Variants in SNAP25 observed in about 807,000 individuals in gnomAD.
SNAP25 encodes the protein synaptosome associated protein 25.
Under a neutral mutation model 28.7 loss-of-function variants are expected in SNAP25, and 3 were observed. The observed-to-expected ratio is 0.10, with a 90% CI of 0.05 to 0.27. The LOEUF is 0.27. Among genes scored for constraint, SNAP25 ranks in the 10% least tolerant of loss-of-function variants. The pLI is 1.00. For synonymous variants in SNAP25, 61 were observed against 88.1 expected, an observed-to-expected ratio of 0.69 and a Z score of 1.72; for missense variants, 117 against 278.7, an observed-to-expected ratio of 0.42 and a Z score of 4.13.
At chr20:10,285,050 TTA>T (rs920330695) in intron 4 of SNAP25, among the ~76,000 whole-genome samples, 17 of 147,954 alleles carry the variant, frequency 1.1e-4, no homozygotes, top group African/African-American at 4.0e-4. Flanking sequence ...GCCATTTTTT[TTA>T]AATGATAGTA....
intron 1 of SNAP25, among the ~76,000 whole-genome samples, chr20:10,268,674 A>T (rs898331596): frequency 6.6e-6 from 1 of 152,188 alleles, no homozygotes; most frequent in Non-Finnish European, 1.5e-5. Context: ...GCACCTAACT[A>T]AGTAAGCCCC....
intron 1 of SNAP25, among the ~76,000 whole-genome samples, chr20:10,244,139 G>A (rs1414870335): frequency 2.6e-5 from 4 of 152,158 alleles, no homozygotes; most frequent in Non-Finnish European, 5.9e-5. Context: ...GTTAGATAAT[G>A]CCTATAAGGT....
At chr20:10,221,423 G>A (rs2062631979) in intron 1 of SNAP25, among the ~76,000 whole-genome samples, 1 of 151,798 alleles carries the variant, frequency 6.6e-6, no homozygotes, top group Non-Finnish European at 1.5e-5. Flanking sequence ...AGCTTCCAGG[G>A]AAAAAAAATC....
At chr20:10,258,959 G>T (rs887497875) in intron 1 of SNAP25, among the ~76,000 whole-genome samples, 11 of 152,170 alleles carry the variant, frequency 7.2e-5, no homozygotes, top group Non-Finnish European at 1.6e-4. Context: ...AAGAAACCCT[G>T]CAGTGAATTC....
chr20:10,288,122 C>T (rs2063921315), intron 4 of SNAP25, among the ~76,000 whole-genome samples: 1 of 151,858 alleles, frequency 6.6e-6, no homozygotes, highest in Admixed American at 6.6e-5. Context: ...AACTAACCTG[C>T]ACATTGTGCA....
chr20:10,266,498 ACATTAACC>A (rs1363834194), intron 1 of SNAP25, among the ~76,000 whole-genome samples: 1 of 152,234 alleles, frequency 6.6e-6, no homozygotes, highest in African/African-American at 2.4e-5. Context: ...AAATGAGAGC[ACATTAACC>A]CATGACTTAG....
At chr20:10,277,897 C>A in intron 3 of SNAP25, 171 bp downstream of exon 3, 1 of 598,048 alleles carries the variant, frequency 1.7e-6, no homozygotes. Flanking sequence ...TGCCAGATAG[C>A]CATGAAGACA....
chr20:10,235,400 G>A (rs6077697), intron 1 of SNAP25, among the ~76,000 whole-genome samples: 135,771 of 152,298 alleles, frequency 0.89, 60,586 homozygotes, highest in Middle Eastern at 0.95. Context: ...AAGTCTAATA[G>A]CTACCATAAT....
At chr20:10,267,633 A>G (rs1233554248) in intron 1 of SNAP25, among the ~76,000 whole-genome samples, 1 of 152,028 alleles carries the variant, frequency 6.6e-6, no homozygotes, top group South Asian at 2.1e-4. Flanking sequence ...GCTCACTACA[A>G]CCTCCGCCTC....
Position 10,284,784 on chromosome 20 carries a change from T to C in SNAP25, c.163+12T>C, listed in dbSNP as rs908718299. 2 of 1,605,440 alleles carry C rather than the reference T, an allele frequency of 1.2e-6. No homozygotes were observed. The highest frequency in any genetic ancestry group is 1.7e-6 in the Non-Finnish European group (2 of 1,172,468). The stretch of plus-strand genomic sequence containing the variant: ...GGATGAACAAGGAGGTAAGTTCAGA[T>C]TTCTTCAGTAAGAACAATTCCTCTT... On this transcript the variant is annotated intron_variant, in intron 4 of 7. Transcript: ENST00000254976.
At chr20:10,236,953 A>AAAAT (rs770867761) in intron 1 of SNAP25, among the ~76,000 whole-genome samples, 15,419 of 111,476 alleles carry the variant, frequency 0.14, 1,342 homozygotes, top group African/African-American at 0.29. Context: ...CCTCCAAAGG[A>AAAAT]AAATACATAA....
chr20:10,272,872 C>T (rs1568606804), intron 1 of SNAP25, among the ~76,000 whole-genome samples: 1 of 152,208 alleles, frequency 6.6e-6, no homozygotes, highest in Non-Finnish European at 1.5e-5. Context: ...GCCCGGCAAT[C>T]ACTGGGTAGA....
rs1374733425 is a variant in SNAP25, at chr20:10,266,175, G to A, written c.-63-9254G>A. Reference sequence around the variant, plus strand: ...ACCTGGGGCAAATTCTGATGATTCAGAAAATGGAAGGAATCACCTCTTCAC... The same window carrying A: ...ACCTGGGGCAAATTCTGATGATTCAAAAAATGGAAGGAATCACCTCTTCAC... On this transcript the variant is annotated intron_variant, in intron 1 of 7. Coordinates refer to ENST00000254976, the MANE Select transcript of SNAP25 (RefSeq NM_130811.4). 2.0e-5 allele frequency among the ~76,000 whole-genome samples: 3 copies of A among 152,182 alleles called. No homozygotes were observed. The East Asian group carries it at 5.8e-4, about 29-fold the overall frequency.
rs1383475175 is a variant in SNAP25, at chr20:10,275,482, CA to C, written c.-9del. ...CCAGCCCAGGCGCCCAGCCACTCCC[CA>C]CCGCTACCATGGCCGAAGACGCAGA... is the stretch of plus-strand genomic sequence containing the variant. On this transcript the variant is annotated 5_prime_UTR_variant, in exon 2 of 8. Coordinates refer to ENST00000254976, the MANE Select transcript of SNAP25 (RefSeq NM_130811.4). The C allele has an allele frequency of 6.3e-7, 1 of 1,599,532 alleles. No homozygotes were observed. The highest frequency in any genetic ancestry group is 1.1e-5 in the South Asian group (1 of 88,140).
intron 3 of SNAP25, 191 bp downstream of exon 3, chr20:10,277,917 T>C: frequency 1.8e-6 from 1 of 543,400 alleles, no homozygotes; most frequent in Non-Finnish European, 3.3e-6. Context: ...ACCTTCACCC[T>C]CCTTCCCAGC....
intron 1 of SNAP25, among the ~76,000 whole-genome samples, chr20:10,262,095 T>A (rs372181213): frequency 2.6e-4 from 40 of 152,114 alleles, no homozygotes; most frequent in African/African-American, 8.9e-4. Context: ...AAGATCTAAG[T>A]CAGAAAAAAG....
chr20:10,257,185 A>G (rs2063332014), intron 1 of SNAP25, among the ~76,000 whole-genome samples: 1 of 152,172 alleles, frequency 6.6e-6, no homozygotes, highest in South Asian at 2.1e-4. Flanking sequence ...CAGATTTGAG[A>G]ACTATGGGCA....
At chr20:10,242,840 A>G (rs1199199135) in intron 1 of SNAP25, among the ~76,000 whole-genome samples, 2 of 152,242 alleles carry the variant, frequency 1.3e-5, no homozygotes, top group African/African-American at 4.8e-5. Flanking sequence ...TTTAGCCAGC[A>G]TAAAAGGAGA....
At chr20:10,291,487 G>T (rs1179137897) in intron 4 of SNAP25, among the ~76,000 whole-genome samples, 2 of 152,116 alleles carry the variant, frequency 1.3e-5, no homozygotes, top group Non-Finnish European at 2.9e-5. Flanking sequence ...GATAAACAAT[G>T]AAATTTTGTT....
Sources: allele counts gnomAD v4.1 joint callset (sites outside exome capture counted in the v4.1 genomes callset), GRCh38; gene constraint gnomAD v4.1.1; transcripts MANE v1.5; gene names NCBI Gene and HGNC (gene_info 2026-07-23, HGNC 2026-07-21).